TSHZ2: variants seen among roughly 807,000 people sequenced by gnomAD.
The protein encoded by TSHZ2 is teashirt zinc finger homeobox 2, also known as teashirt homolog 2.
TSHZ2 carries 21 observed loss-of-function variants against 74.4 expected under a neutral mutation model. The observed-to-expected ratio is 0.28, with a 90% CI of 0.20 to 0.41. TSHZ2 has a LOEUF of 0.41. Among genes scored for constraint, TSHZ2 ranks in the 10% least tolerant of loss-of-function variants. The probability of loss-of-function intolerance (pLI) is 1.00; values close to 1 mark genes in which losing one functional copy is unlikely to be tolerated. For synonymous variants in TSHZ2, 540 were observed against 515.3 expected (o/e 1.05, Z -0.65); for missense variants, 1,244 against 1,293.5 (o/e 0.96, Z 0.59).
chr20:53,255,221 T>C lies in TSHZ2; in HGVS notation c.1763T>C (p.Val588Ala). 1 of 1,614,208 alleles carries C rather than the reference T, an allele frequency of 6.2e-7. No individual in the cohort carries two copies. The highest frequency in any genetic ancestry group is 8.5e-7 in the Non-Finnish European group (1 of 1,180,036). ...CCAAAGTGGAAAGTGATGCCACTGG[T>C]TTCTATGCCCACACACCTGGCCCCT... ...IAPKWKVMPL[V>A]SMPTHLAPYT... The change falls in exon 2 of 3, where the codon GTT becomes GCT. Residue 588 changes from valine to alanine, a missense_variant. Physicochemically the swap from Val to Ala is moderately conservative, Grantham distance 64. This residue lies in a region of TSHZ2 where 562 missense variants were observed against 544.0 expected (regional missense o/e 1.03). Coordinates refer to ENST00000371497, the MANE Select transcript of TSHZ2 (RefSeq NM_173485.6). The surrounding 1 kb of genome is among the most constrained non-coding windows in gnomAD (Gnocchi z 4.1).
chr20:53,444,119 A>G (rs1467971744), intron 2 of TSHZ2, among the ~76,000 whole-genome samples: 2 of 152,206 alleles, frequency 1.3e-5, no homozygotes, highest in African/African-American at 4.8e-5. Context: ...ATGTTTGAAC[A>G]AATCTCCTCT....
At chr20:53,117,041 A>C (rs1003825153) in intron 1 of TSHZ2, among the ~76,000 whole-genome samples, 1 of 151,830 alleles carries the variant, frequency 6.6e-6, no homozygotes, top group African/African-American at 2.4e-5. Context: ...AAGGGAGAGA[A>C]AGAGAGAGAG....
chr20:53,390,080 G>T (rs201813), intron 2 of TSHZ2, among the ~76,000 whole-genome samples: 9,011 of 152,244 alleles, frequency 0.059, 414 homozygotes, highest in Non-Finnish European at 0.084. Context: ...CAGAGAGAGC[G>T]ACTTTAGGGA....
intron 2 of TSHZ2, among the ~76,000 whole-genome samples, chr20:53,436,549 T>TTA (rs1491507100): frequency 6.0e-5 from 5 of 82,700 alleles, no homozygotes; most frequent in Non-Finnish European, 9.9e-5. Flanking sequence ...ATTATTATTA[T>TTA]TTTTTTTTTT....
intron 1 of TSHZ2, among the ~76,000 whole-genome samples, chr20:52,978,235 G>A (rs1439420899): frequency 1.3e-5 from 2 of 152,102 alleles, no homozygotes; most frequent in Non-Finnish European, 2.9e-5. Flanking sequence ...CATGGGGGTG[G>A]GGGCACAGAC....
chr20:53,235,509 A>G (rs531275085), intron 1 of TSHZ2, among the ~76,000 whole-genome samples: 1 of 152,266 alleles, frequency 6.6e-6, no homozygotes, highest in East Asian at 1.9e-4. Context: ...AGTGTGTACC[A>G]GAAAGCCACT....
chr20:53,089,959 A>G (rs549768418), intron 1 of TSHZ2, among the ~76,000 whole-genome samples: 1 of 152,244 alleles, frequency 6.6e-6, no homozygotes, highest in African/African-American at 2.4e-5. Context: ...ACAATAGGCC[A>G]TCTGCAAGCT....
chr20:53,194,689 C>T (rs1988818173), intron 1 of TSHZ2, among the ~76,000 whole-genome samples: 1 of 152,228 alleles, frequency 6.6e-6, no homozygotes, highest in African/African-American at 2.4e-5. Context: ...GCATTAATTA[C>T]TTCACCTAAT....
chr20:53,255,800 A>T lies in TSHZ2; in HGVS notation c.2342A>T (p.Gln781Leu), dbSNP rs753928513. The change falls in exon 2 of 3, where the codon CAA (glutamine) becomes CTA (leucine). Residue 781 changes from glutamine to leucine, a missense_variant. Physicochemically the swap from Gln to Leu is moderately radical, Grantham distance 113. This residue lies in a region of TSHZ2 where 562 missense variants were observed against 544.0 expected (regional missense o/e 1.03). Transcript: ENST00000371497. This position sits in a 1 kb window ranked among gnomAD's most constrained non-coding sequence, Gnocchi z 4.1. ...KSKKAESSQA[Q>L]SCMSPPQKHA... The stretch of plus-strand genomic sequence containing the variant: ...AAGAAAGCCGAGTCCTCGCAAGCAC[A>T]ATCTTGTATGTCCCCACCTCAGAAG... 1 of 1,613,846 alleles carries T rather than the reference A, an allele frequency of 6.2e-7. No individual in the cohort carries two copies. The highest frequency in any genetic ancestry group is 1.1e-5 in the South Asian group (1 of 91,018).
chr20:53,158,548 G>T (rs922374839), intron 1 of TSHZ2, among the ~76,000 whole-genome samples: 1 of 152,204 alleles, frequency 6.6e-6, no homozygotes, highest in Non-Finnish European at 1.5e-5. Context: ...GGGAGAACAG[G>T]ACACTAAGAA....
chr20:53,034,972 G>A (rs550068688), intron 1 of TSHZ2, among the ~76,000 whole-genome samples: 33 of 152,306 alleles, frequency 2.2e-4, no homozygotes, highest in Admixed American at 5.9e-4. Context: ...ATAGAGATCA[G>A]GATAGCAGGA....
chr20:53,075,278 A>C lies in TSHZ2; in HGVS notation c.40+101945A>C, dbSNP rs1264110087. On this transcript the variant is annotated intron_variant, in intron 1 of 2. Transcript: ENST00000371497. The stretch of plus-strand genomic sequence containing the variant: ...TATTGCCTTCTTTGCTGTGAAGCTC[A>C]TGGACTGCTCTGTGCAAAGGATCTT... Among the ~76,000 whole-genome samples the C allele has an allele frequency of 4.6e-5, 7 of 152,328 alleles. No homozygotes were observed. In the East Asian group the frequency reaches 1.3e-3, roughly 29 times the overall value.
intron 2 of TSHZ2, among the ~76,000 whole-genome samples, chr20:53,262,444 C>G (rs1256078696): frequency 2.6e-5 from 4 of 152,146 alleles, no homozygotes; most frequent in African/African-American, 9.7e-5. Flanking sequence ...TATAATTTCT[C>G]CTTGCATTTA....
In TSHZ2 at chr20:53,253,567, G is replaced by T. The variant is rs201799053; in HGVS notation, c.109G>T (p.Gly37Cys). 2 of 1,613,916 alleles carry T rather than the reference G, an allele frequency of 1.2e-6. No individual in the cohort carries two copies. Among genetic ancestry groups the T allele is most frequent in the African/African-American group, 2.7e-5 (2 of 75,018 alleles). ...AGAAGAGGAGGAGGAGGAGGACAGC[G>T]GTTCAGTAGCTCAACTGCAGGGTGG... ...IKEEEEEEDS[G>C]SVAQLQGGND... Residue 37 changes from glycine (G) to cysteine (C), a missense_variant, in exon 2 of 3, where the codon GGT becomes TGT. Transcript: ENST00000371497.
At chr20:52,973,387 G>A in intron 1 of TSHZ2, 54 bp downstream of exon 1, 1 of 1,545,254 alleles carries the variant, frequency 6.5e-7, no homozygotes, top group Non-Finnish European at 8.7e-7. Context: ...CTCCTCGCCC[G>A]CCCTCCTTGC....
At chr20:53,221,954 A>C (rs1416132090) in intron 1 of TSHZ2, among the ~76,000 whole-genome samples, 1 of 152,222 alleles carries the variant, frequency 6.6e-6, no homozygotes, top group Non-Finnish European at 1.5e-5. Flanking sequence ...AATGCCTTAC[A>C]GATGCGTGAA....
At chr20:53,386,618 C>T (rs779713546) in intron 2 of TSHZ2, among the ~76,000 whole-genome samples, 4 of 152,208 alleles carry the variant, frequency 2.6e-5, no homozygotes, top group Non-Finnish European at 5.9e-5. Flanking sequence ...GGCGACACTT[C>T]TGATTTAGTA....
intron 1 of TSHZ2, among the ~76,000 whole-genome samples, chr20:53,134,152 C>T (rs549028212): frequency 6.6e-6 from 1 of 152,288 alleles, no homozygotes; most frequent in South Asian, 2.1e-4. Context: ...GTGGGCACAA[C>T]TCAGCACGCC....
chr20:53,182,174 CTTCCTTCCTTTTCTTT>C (rs1467069728), intron 1 of TSHZ2, among the ~76,000 whole-genome samples: 5 of 130,084 alleles, frequency 3.8e-5, no homozygotes, highest in South Asian at 2.5e-4. Context: ...TTCTTTCTTT[CTTCCTTCCTTTTCTTT>C]CTTTCTTCTT....
Sources: allele counts gnomAD v4.1 joint callset (sites outside exome capture counted in the v4.1 genomes callset), GRCh38; gene constraint gnomAD v4.1.1; regional missense constraint gnomAD v4.1.1; non-coding constraint Gnocchi (gnomAD v3.1); transcripts MANE v1.5; gene names NCBI Gene and HGNC (gene_info 2026-07-23, HGNC 2026-07-21).